The following MAP3K5 variants were observed in gnomAD, a reference collection of about 807,000 sequenced individuals.
The protein encoded by MAP3K5 is ASK-1.
A neutral mutation model predicts 158.7 loss-of-function variants in MAP3K5; 56 were observed. The observed-to-expected ratio is 0.35, with a 90% CI of 0.28 to 0.44. MAP3K5 has a LOEUF of 0.44. MAP3K5 is among the 20% of genes least tolerant of loss of function. The pLI, the probability that MAP3K5 is intolerant of heterozygous loss-of-function variation, is 1.00. For synonymous variants in MAP3K5, 579 were observed against 601.7 expected, an observed-to-expected ratio of 0.96 and a Z score of 0.55; for missense variants, 1,294 against 1,674.8, an observed-to-expected ratio of 0.77 and a Z score of 3.97.
At chr6:136,732,815 T>C (rs567766568) in intron 1 of MAP3K5, among the ~76,000 whole-genome samples, 21 of 152,328 alleles carry the variant, frequency 1.4e-4, no homozygotes, top group African/African-American at 5.1e-4. Context: ...TTTGAACTCT[T>C]ATCTGCCTAC....
intron 1 of MAP3K5, among the ~76,000 whole-genome samples, chr6:136,743,324 C>T (rs1230274534): frequency 1.3e-5 from 2 of 151,918 alleles, no homozygotes; most frequent in African/African-American, 4.8e-5. Flanking sequence ...GTGGCAGGCA[C>T]CTGTAGTCCC....
chr6:136,566,680 G>C (rs2129069701), intron 26 of MAP3K5, among the ~76,000 whole-genome samples: 1 of 152,334 alleles, frequency 6.6e-6, no homozygotes, highest in Non-Finnish European at 1.5e-5. Flanking sequence ...ATTAAAATAA[G>C]ACTGCTCTAT....
At chr6:136,649,595 T>G (rs908875886) in intron 11 of MAP3K5, among the ~76,000 whole-genome samples, 15 of 152,290 alleles carry the variant, frequency 9.8e-5, no homozygotes, top group Admixed American at 4.6e-4. Context: ...GAGCCAGGTT[T>G]GTGCCCCAGT....
At chr6:136,732,434 A>AAAAC (rs1043067653) in intron 1 of MAP3K5, among the ~76,000 whole-genome samples, 5 of 152,050 alleles carry the variant, frequency 3.3e-5, no homozygotes, top group East Asian at 1.9e-4. Context: ...CAAACAAAAC[A>AAAAC]AAACAAACAA....
chr6:136,660,016 C>T (rs1348041985), intron 8 of MAP3K5, among the ~76,000 whole-genome samples: 5 of 152,144 alleles, frequency 3.3e-5, no homozygotes, highest in African/African-American at 9.7e-5. Context: ...CATAAATCTA[C>T]AATTTTTATA....
chr6:136,759,453 A>AGTATATATAT, intron 1 of MAP3K5, among the ~76,000 whole-genome samples: 1 of 55,230 alleles, frequency 1.8e-5, no homozygotes, highest in Non-Finnish European at 3.9e-5. Flanking sequence ...TTATACTAAA[A>AGTATATATAT]CTATATATAT....
chr6:136,788,178 T>A (rs1784924880), intron 1 of MAP3K5, among the ~76,000 whole-genome samples: 1 of 152,102 alleles, frequency 6.6e-6, no homozygotes, highest in African/African-American at 2.4e-5. Flanking sequence ...GTCAACAAAG[T>A]AAGTAATGGA....
chr6:136,735,806 G>A (rs1214084937), intron 1 of MAP3K5, among the ~76,000 whole-genome samples: 1 of 152,088 alleles, frequency 6.6e-6, no homozygotes, highest in Admixed American at 6.6e-5. Flanking sequence ...TCCAATCCGG[G>A]TGACAGAGCA....
intron 1 of MAP3K5, among the ~76,000 whole-genome samples, chr6:136,744,090 C>T (rs1211502626): frequency 1.3e-5 from 2 of 152,082 alleles, no homozygotes; most frequent in African/African-American, 2.4e-5. Context: ...ATTGTGGATA[C>T]ATGTCATTAT....
intron 7 of MAP3K5, among the ~76,000 whole-genome samples, chr6:136,677,298 C>T (rs535397582): frequency 6.3e-4 from 96 of 151,864 alleles, no homozygotes; most frequent in African/African-American, 2.1e-3. Context: ...CCACCACGCC[C>T]GGCTAATTTT....
At chr6:136,585,469 T>TTTTCTTTTC (rs35799129) in intron 23 of MAP3K5, among the ~76,000 whole-genome samples, 5 of 131,526 alleles carry the variant, frequency 3.8e-5, no homozygotes, top group Admixed American at 1.6e-4. Flanking sequence ...CTTTCTTTTC[T>TTTTCTTTTC]TTTCTTTATT....
At chr6:136,717,612 G>C (rs1260250730) in intron 2 of MAP3K5, among the ~76,000 whole-genome samples, 1 of 152,172 alleles carries the variant, frequency 6.6e-6, no homozygotes, top group Non-Finnish European at 1.5e-5. Flanking sequence ...AATATCTCTT[G>C]TTCTGCTTCT....
intron 8 of MAP3K5, among the ~76,000 whole-genome samples, chr6:136,665,450 G>T (rs575470482): frequency 1.3e-5 from 2 of 151,572 alleles, no homozygotes; most frequent in Admixed American, 6.6e-5. Context: ...GGGTTCAAGC[G>T]ATTCTTTTGC....
chr6:136,581,976 G>A (rs751146105), intron 24 of MAP3K5, among the ~76,000 whole-genome samples: 1 of 151,990 alleles, frequency 6.6e-6, no homozygotes, highest in African/African-American at 2.4e-5. Context: ...CCAGCTACTC[G>A]GGAGGCTGAG....
At chr6:136,634,190 G>A (rs913712819) in intron 14 of MAP3K5, among the ~76,000 whole-genome samples, 12 of 152,160 alleles carry the variant, frequency 7.9e-5, no homozygotes, top group Non-Finnish European at 1.5e-4. Context: ...TCTAAGAAAT[G>A]TAACCAAATA....
chr6:136,757,407 T>C (rs1431967210), intron 1 of MAP3K5, among the ~76,000 whole-genome samples: 1 of 152,094 alleles, frequency 6.6e-6, no homozygotes, highest in African/African-American at 2.4e-5. Context: ...TGTTTCTGTG[T>C]TGGGAAGCAA....
At chr6:136,789,113 T>C (rs1238324840) in intron 1 of MAP3K5, among the ~76,000 whole-genome samples, 1 of 152,014 alleles carries the variant, frequency 6.6e-6, no homozygotes, top group Non-Finnish European at 1.5e-5. Flanking sequence ...CTGGGCAACA[T>C]AGCAAGACCC....
At chr6:136,745,411 A>C (rs574614096) in intron 1 of MAP3K5, among the ~76,000 whole-genome samples, 1 of 152,270 alleles carries the variant, frequency 6.6e-6, no homozygotes, top group East Asian at 1.9e-4. Flanking sequence ...ACCTAGAAAA[A>C]AGGTTTTGTC....
intron 7 of MAP3K5, among the ~76,000 whole-genome samples, chr6:136,692,735 C>G (rs760850454): frequency 6.6e-6 from 1 of 152,108 alleles, no homozygotes; most frequent in Non-Finnish European, 1.5e-5. Flanking sequence ...CGTTTTTAAG[C>G]CTTGTTTAAG....
Sources: gnomAD v4.1 joint callset for allele counts (sites outside exome capture counted in the v4.1 genomes callset) on GRCh38, gnomAD v4.1.1 for gene constraint, MANE v1.5 for transcripts, NCBI Gene and HGNC (gene_info 2026-07-23, HGNC 2026-07-21) for gene names.